The following PSD3 variants were observed in gnomAD, a reference collection of about 807,000 sequenced individuals.
PSD3 encodes the protein pleckstrin and Sec7 domain containing 3.
Under a neutral mutation model 105.5 loss-of-function variants are expected in PSD3, and 49 were observed. The ratio of observed to expected loss-of-function variants is 0.46; its 90% CI spans 0.37 to 0.59. PSD3 has a LOEUF of 0.59. PSD3 is among the 20% of genes least tolerant of loss of function. The pLI is 0.00. For missense variants in PSD3, 1,561 were observed against 1,263.8 expected, an observed-to-expected ratio of 1.24 and a Z score of -3.57; for synonymous variants, 557 against 457.8, an observed-to-expected ratio of 1.22 and a Z score of -2.77.
intron 1 of PSD3, among the ~76,000 whole-genome samples, chr8:19,009,758 G>T (rs2129475234): frequency 6.6e-6 from 1 of 152,100 alleles, no homozygotes; most frequent in South Asian, 2.1e-4. Flanking sequence ...GGGCGCAGTG[G>T]CGTGTACCTG....
chr8:18,874,255 G>A (rs903633159), intron 2 of PSD3, among the ~76,000 whole-genome samples: 2 of 151,792 alleles, frequency 1.3e-5, no homozygotes, highest in East Asian at 1.9e-4. Context: ...TCTACCTCCC[G>A]GGTTCAAGTG....
intron 1 of PSD3, among the ~76,000 whole-genome samples, chr8:19,056,318 A>T (rs1256823769): frequency 2.0e-5 from 3 of 152,224 alleles, no homozygotes; most frequent in African/African-American, 7.2e-5. Flanking sequence ...TGATCGAGCC[A>T]GTCAGAAACT....
chr8:19,063,629 C>T (rs1828974910), intron 1 of PSD3, among the ~76,000 whole-genome samples: 1 of 152,052 alleles, frequency 6.6e-6, no homozygotes, highest in African/African-American at 2.4e-5. Context: ...AGATCAATAG[C>T]GAGTATAGTA....
At chr8:18,737,501 C>T (rs751097203) in intron 9 of PSD3, among the ~76,000 whole-genome samples, 10 of 152,010 alleles carry the variant, frequency 6.6e-5, no homozygotes, top group Non-Finnish European at 1.2e-4. Flanking sequence ...TGGAGTGTTG[C>T]CATGTTGTCC....
chr8:18,823,612 C>T (rs1243889949), intron 4 of PSD3, among the ~76,000 whole-genome samples: 1 of 152,168 alleles, frequency 6.6e-6, no homozygotes, highest in African/African-American at 2.4e-5. Flanking sequence ...CGTTTCTACA[C>T]CTTGTCACAC....
intron 12 of PSD3, among the ~76,000 whole-genome samples, 189 bp from the exon 13 acceptor site, chr8:18,575,474 G>T (rs573932147): frequency 6.6e-6 from 1 of 152,142 alleles, no homozygotes; most frequent in Non-Finnish European, 1.5e-5. Context: ...AAAATTTGCT[G>T]AGAATGAGAA....
intron 9 of PSD3, among the ~76,000 whole-genome samples, chr8:18,679,047 T>C (rs558900087): frequency 2.5e-5 from 2 of 79,048 alleles, no homozygotes; most frequent in Non-Finnish European, 3.5e-5. Flanking sequence ...CAAGAAAATT[T>C]TCATATTATG....
intron 1 of PSD3, among the ~76,000 whole-genome samples, chr8:19,068,538 C>A (rs10283331): frequency 0.96 from 145,446 of 152,122 alleles, 69,883 homozygotes; most frequent in Non-Finnish European, 1. Flanking sequence ...CAATCCTTCC[C>A]CCTCGGCCTC....
intron 1 of PSD3, among the ~76,000 whole-genome samples, chr8:19,045,232 T>G (rs909405747): frequency 1.6e-4 from 25 of 151,702 alleles, no homozygotes; most frequent in African/African-American, 5.8e-4. Flanking sequence ...AAAAGAAAAG[T>G]AAAAAAGTAA....
chr8:19,024,814 G>C (rs1449549537), intron 1 of PSD3, among the ~76,000 whole-genome samples: 2 of 152,108 alleles, frequency 1.3e-5, no homozygotes, highest in African/African-American at 4.8e-5. Context: ...TGTGCCCAGA[G>C]AGGGCATGAA....
At chr8:19,070,351 G>T (rs1829211193) in intron 1 of PSD3, among the ~76,000 whole-genome samples, 1 of 134,236 alleles carries the variant, frequency 7.4e-6, no homozygotes, top group Admixed American at 8.3e-5. Flanking sequence ...TTACACTATT[G>T]TATTAGTATG....
At chr8:19,011,986 T>G (rs1480311200) in intron 1 of PSD3, among the ~76,000 whole-genome samples, 2 of 152,210 alleles carry the variant, frequency 1.3e-5, no homozygotes, top group Non-Finnish European at 2.9e-5. Flanking sequence ...AAATATCAAA[T>G]GGTAGGGCTA....
At chr8:18,965,454 C>T (rs1288749816) in intron 1 of PSD3, among the ~76,000 whole-genome samples, 1 of 152,172 alleles carries the variant, frequency 6.6e-6, no homozygotes, top group Non-Finnish European at 1.5e-5. Flanking sequence ...CCCATTACCC[C>T]GTTCGGCGGG....
rs1429493744 is a variant in PSD3 at position 18,903,804 on chromosome 8, C to G, written c.131-31071G>C. Among the ~76,000 whole-genome samples the G allele has an allele frequency of 2.0e-5, 3 of 152,024 alleles. No individual in the cohort carries two copies. The East Asian group carries it at 5.8e-4, about 29-fold the overall frequency. On this transcript the variant is annotated intron_variant, in intron 2 of 15. Coordinates refer to ENST00000327040, the MANE Select transcript of PSD3 (RefSeq NM_015310.4). ...AGGATATAGGACCTTTCTGGGGGGC[C>G]AAGGCACCGTTTTGGGGACATGTGG...
chr8:18,830,386 C>G (rs756316784), intron 4 of PSD3, among the ~76,000 whole-genome samples: 2 of 152,178 alleles, frequency 1.3e-5, no homozygotes, highest in Admixed American at 1.3e-4. Flanking sequence ...AATTAAACTC[C>G]AATAGACCAC....
intron 9 of PSD3, among the ~76,000 whole-genome samples, chr8:18,732,328 G>A (rs1042364529): frequency 6.6e-6 from 1 of 152,330 alleles, no homozygotes; most frequent in South Asian, 2.1e-4. Context: ...AAAGAAGGAA[G>A]ATTAGGAAGC....
At chr8:18,778,004 A>G (rs78758645) in intron 8 of PSD3, among the ~76,000 whole-genome samples, 2,558 of 152,302 alleles carry the variant, frequency 0.017, 92 homozygotes, top group East Asian at 0.12. Context: ...GTAATATTCT[A>G]TTATGTATAT....
intron 15 of PSD3, among the ~76,000 whole-genome samples, chr8:18,555,650 C>A (rs1795560739): frequency 6.6e-6 from 1 of 152,134 alleles, no homozygotes; most frequent in South Asian, 2.1e-4. Flanking sequence ...CTTTTCCATG[C>A]CATAGCATAT....
In PSD3 at chr8:18,922,847, G is replaced by A. The variant is rs147078898; in HGVS notation, c.130+13187C>T. Among the ~76,000 whole-genome samples, 472 of 152,270 alleles carry A rather than the reference G, an allele frequency of 3.1e-3. 3 individuals are homozygous for A. The highest frequency in any genetic ancestry group is 0.011 in the African/African-American group (437 of 41,562). On this transcript the variant is annotated intron_variant, in intron 2 of 15. Coordinates refer to ENST00000327040, the MANE Select transcript of PSD3 (RefSeq NM_015310.4). ...TTACAAAGGATACAGATAAAGGGATGCATGGGGCAAGGCATGTGGGAGGGG... is the reference window on the plus strand; with the variant it reads ...TTACAAAGGATACAGATAAAGGGATACATGGGGCAAGGCATGTGGGAGGGG...
Sources: allele counts gnomAD v4.1 joint callset (sites outside exome capture counted in the v4.1 genomes callset), GRCh38; gene constraint gnomAD v4.1.1; transcripts MANE v1.5; gene names NCBI Gene and HGNC (gene_info 2026-07-23, HGNC 2026-07-21).